Variants in RANBP3L observed in about 807,000 individuals in gnomAD.
RANBP3L encodes the protein RAN binding protein 3 like, also known as ran-binding protein 3-like.
A neutral mutation model predicts 67.2 loss-of-function variants in RANBP3L; 56 were observed. The ratio of observed to expected loss-of-function variants is 0.83; its 90% CI spans 0.67 to 1.04. The LOEUF (loss-of-function observed/expected upper bound fraction) is 1.04. Among genes scored for constraint, RANBP3L ranks in the 50% least tolerant of loss-of-function variants. The pLI, the probability that RANBP3L is intolerant of heterozygous loss-of-function variation, is 0.00. For missense variants in RANBP3L, 496 were observed against 535.5 expected (o/e 0.93, Z 0.73); for synonymous variants, 164 against 181.4 (o/e 0.90, Z 0.77).
At chr5:36,282,822 T>C (rs1177370380) in intron 1 of RANBP3L, among the ~76,000 whole-genome samples, 2 of 152,022 alleles carry the variant, frequency 1.3e-5, no homozygotes. Context: ...CTTCTCCTTG[T>C]GTTTGAGGGC....
chr5:36,288,289 C>T (rs1751464600), intron 1 of RANBP3L, among the ~76,000 whole-genome samples: 1 of 152,152 alleles, frequency 6.6e-6, no homozygotes. Flanking sequence ...GATTCACCTA[C>T]ATGGTTACAT....
intron 1 of RANBP3L, among the ~76,000 whole-genome samples, chr5:36,275,719 A>G (rs746745918): frequency 2.0e-5 from 3 of 152,190 alleles, no homozygotes; most frequent in Non-Finnish European, 4.4e-5. Flanking sequence ...GTGGTAACTG[A>G]CTTTGCAGCC....
intron 8 of RANBP3L, among the ~76,000 whole-genome samples, chr5:36,258,628 A>T (rs370668013): frequency 1.3e-5 from 2 of 152,214 alleles, no homozygotes; most frequent in East Asian, 3.9e-4. Context: ...AGGTTCCTTT[A>T]TAAGCCTTTA....
intron 10 of RANBP3L, 62 bp downstream of exon 10, chr5:36,256,879 C>A: frequency 6.8e-7 from 1 of 1,462,026 alleles, no homozygotes. Context: ...TGCCTCTTCT[C>A]ATGTTAACTT....
chr5:36,268,111 G>A (rs916299759), intron 4 of RANBP3L: 25 of 883,454 alleles, frequency 2.8e-5, no homozygotes, highest in East Asian at 1.5e-4. Flanking sequence ...TTTTATGATC[G>A]CTAAAAAAGA....
intron 4 of RANBP3L, among the ~76,000 whole-genome samples, chr5:36,265,893 C>A (rs1749737492): frequency 6.8e-6 from 1 of 148,056 alleles, no homozygotes; most frequent in South Asian, 2.1e-4. Context: ...AGGAGAATCT[C>A]TTGAACCCAG....
intron 1 of RANBP3L, among the ~76,000 whole-genome samples, chr5:36,276,856 G>A (rs927410191): frequency 3.9e-5 from 6 of 152,154 alleles, no homozygotes; most frequent in African/African-American, 1.4e-4. Context: ...ACTCCAGGGG[G>A]CATGAGGGAC....
At chr5:36,288,727 T>C (rs1052276925) in intron 1 of RANBP3L, among the ~76,000 whole-genome samples, 4 of 152,196 alleles carry the variant, frequency 2.6e-5, no homozygotes, top group African/African-American at 9.6e-5. Context: ...ACTGATAACG[T>C]TGAACATCTT....
chr5:36,270,359 G>A (rs1199178718), intron 2 of RANBP3L, among the ~76,000 whole-genome samples: 3 of 152,300 alleles, frequency 2.0e-5, no homozygotes, highest in South Asian at 4.2e-4. Flanking sequence ...TGGGGTCCAG[G>A]AATCTGCTTT....
At chr5:36,296,188 G>A (rs1752203687) in intron 1 of RANBP3L, among the ~76,000 whole-genome samples, 1 of 152,110 alleles carries the variant, frequency 6.6e-6, no homozygotes, top group Non-Finnish European at 1.5e-5. Flanking sequence ...CCTCAATTCT[G>A]TGAGTTGTTC....
chr5:36,268,500 T>C (rs1235567633), intron 4 of RANBP3L, among the ~76,000 whole-genome samples: 1 of 152,036 alleles, frequency 6.6e-6, no homozygotes, highest in Non-Finnish European at 1.5e-5. Flanking sequence ...CTATCAACCA[T>C]GAAGATGACC....
intron 1 of RANBP3L, among the ~76,000 whole-genome samples, chr5:36,280,459 C>A (rs1243812585): frequency 1.3e-5 from 2 of 152,060 alleles, no homozygotes; most frequent in East Asian, 3.9e-4. Context: ...AAGAAAAATT[C>A]TTCTCATTTT....
At chr5:36,289,429 C>A (rs1751553361) in intron 1 of RANBP3L, among the ~76,000 whole-genome samples, 1 of 152,018 alleles carries the variant, frequency 6.6e-6, no homozygotes, top group Admixed American at 6.6e-5. Context: ...AATTTCAAAA[C>A]AAAAAATCTG....
rs181301315 is a variant in RANBP3L, at chr5:36,291,573, C to T, written c.91+9753G>A. ...TCTGCCCCCACCCCACAACAGTCCCCAGAGTGTGATGTTCCCCTTCCTGTG... is the reference window on the plus strand; with the variant it reads ...TCTGCCCCCACCCCACAACAGTCCCTAGAGTGTGATGTTCCCCTTCCTGTG... On this transcript the variant is annotated intron_variant, in intron 1 of 13. Coordinates refer to ENST00000296604, the MANE Select transcript of RANBP3L (RefSeq NM_145000.5). Among the ~76,000 whole-genome samples the T allele has an allele frequency of 7.8e-3, 1,182 of 152,078 alleles. 16 individuals carry two copies. Among genetic ancestry groups the T allele is most frequent in the African/African-American group, 0.026 (1,099 of 41,476 alleles).
At chr5:36,262,488 A>G (rs796865493) in intron 6 of RANBP3L, among the ~76,000 whole-genome samples, 2 of 152,238 alleles carry the variant, frequency 1.3e-5, no homozygotes, top group African/African-American at 4.8e-5. Flanking sequence ...CCACTCATCT[A>G]TTTATCTTGA....
At position 36,248,484 on chromosome 5, in the gene RANBP3L, T is replaced by A. The variant is rs369144999; in HGVS notation, c.*1170A>T. The A allele has an allele frequency of 6.6e-6, 1 of 152,210 alleles. No homozygotes were observed. The highest frequency in any genetic ancestry group is 1.9e-4 in the East Asian group (1 of 5,204). The allele number at this position is 152,210 out of a possible 1,614,324, so 9.4% of individuals were successfully genotyped here. On this transcript the variant is annotated 3_prime_UTR_variant, in exon 14 of 14. Coordinates refer to ENST00000296604, the MANE Select transcript of RANBP3L (RefSeq NM_145000.5). ...TTTTATTATTTTATAACAGGTATGG[T>A]AACACAGTAATATAACTTTTGAAAA...
chr5:36,278,326 C>T (rs936706845), intron 1 of RANBP3L, among the ~76,000 whole-genome samples: 27 of 152,068 alleles, frequency 1.8e-4, no homozygotes, highest in African/African-American at 6.5e-4. Flanking sequence ...GAGATCCTTG[C>T]TCCTCAAAGT....
chr5:36,283,272 G>A (rs1359236076), intron 1 of RANBP3L, among the ~76,000 whole-genome samples: 4 of 151,658 alleles, frequency 2.6e-5, no homozygotes, highest in Non-Finnish European at 5.9e-5. Flanking sequence ...TGTCCAGGCT[G>A]GTCTCAAACT....
intron 1 of RANBP3L, among the ~76,000 whole-genome samples, chr5:36,282,279 G>C (rs143834905): frequency 3.9e-5 from 6 of 152,144 alleles, no homozygotes; most frequent in African/African-American, 1.2e-4. Context: ...AGGCACATAC[G>C]CAAGTCTAAA....
Sources: allele counts gnomAD v4.1 joint callset (sites outside exome capture counted in the v4.1 genomes callset), GRCh38; gene constraint gnomAD v4.1.1; transcripts MANE v1.5; gene names NCBI Gene and HGNC (gene_info 2026-07-23, HGNC 2026-07-21).